ARHGAP6: variants seen among roughly 807,000 people sequenced by gnomAD.
ARHGAP6 encodes the protein rho GTPase-activating protein 6.
In ARHGAP6, 16 loss-of-function variants were observed where a neutral mutation model predicts 55.7. That is an observed-to-expected ratio of 0.29 (90% confidence interval 0.19 to 0.44). The LOEUF (loss-of-function observed/expected upper bound fraction) is 0.44. Ranked by LOEUF, ARHGAP6 falls within the 20% of genes least tolerant of loss-of-function variation. The pLI is 1.00. For missense variants in ARHGAP6, 698 were observed against 808.9 expected, an observed-to-expected ratio of 0.86 and a Z score of 1.66; for synonymous variants, 382 against 360.9, an observed-to-expected ratio of 1.06 and a Z score of -0.66.
At chrX:11,586,334 T>A (rs971511075) in intron 1 of ARHGAP6, among the ~76,000 whole-genome samples, 1 of 112,128 alleles carries the variant, frequency 8.9e-6, no homozygotes, top group African/African-American at 3.2e-5. Context: ...TCATTCATCT[T>A]GAGTTGATTT....
chrX:11,257,514 C>T lies in ARHGAP6; in HGVS notation c.589-2807G>A, dbSNP rs760041318. Among the ~76,000 whole-genome samples the T allele has an allele frequency of 1.2e-4, 13 of 112,159 alleles. No individual in the cohort carries two copies. The East Asian group carries it at 1.4e-3, about 12-fold the overall frequency. On this transcript the variant is annotated intron_variant, in intron 1 of 12. Transcript: ENST00000337414. Reference sequence around the variant, plus strand: ...AAAACAGCAGGCTGGTTTTGGCTGGCGGGCTAGAGTTTCCCAACCTGTGAA... The same window carrying T: ...AAAACAGCAGGCTGGTTTTGGCTGGTGGGCTAGAGTTTCCCAACCTGTGAA...
intron 1 of ARHGAP6, among the ~76,000 whole-genome samples, chrX:11,359,255 G>A (rs1054784295): frequency 8.9e-6 from 1 of 111,886 alleles, no homozygotes; most frequent in African/African-American, 3.2e-5. Flanking sequence ...CATCTTATAT[G>A]AGACAAACGG....
At chrX:11,511,307 T>G (rs1193219580) in intron 1 of ARHGAP6, among the ~76,000 whole-genome samples, 1 of 112,178 alleles carries the variant, frequency 8.9e-6, no homozygotes, top group Non-Finnish European at 1.9e-5. Context: ...GAAGGAGACA[T>G]TTTTGCAATG....
At chrX:11,166,989 T>C (rs1363667396) in intron 9 of ARHGAP6, among the ~76,000 whole-genome samples, 2 of 112,026 alleles carry the variant, frequency 1.8e-5, no homozygotes, top group Non-Finnish European at 3.8e-5. Flanking sequence ...AATGATTACA[T>C]TAATGGTTAA....
chrX:11,276,219 C>T (rs2238906), intron 1 of ARHGAP6, among the ~76,000 whole-genome samples: 14 of 111,441 alleles, frequency 1.3e-4, no homozygotes, highest in East Asian at 5.7e-4. Context: ...CATCTCCCCC[C>T]GACCCTGCCC....
rs778943428 is a variant in ARHGAP6 at position 11,361,769 on chromosome X, A to AAT, written c.589-107064_589-107063dup. Among the ~76,000 whole-genome samples the AAT allele has an allele frequency of 4.1e-3, 454 of 111,999 alleles. 2 individuals are homozygous for AAT. Among genetic ancestry groups the AAT allele is most frequent in the African/African-American group, 0.014 (435 of 30,743 alleles). On this transcript the variant is annotated intron_variant, in intron 1 of 12. Coordinates refer to ENST00000337414, the MANE Select transcript of ARHGAP6 (RefSeq NM_013427.3). ...CAACCTACTCATCTCACAAAGGGCT[A>AAT]ATATCCAGAATCTACAATGAACACA...
At chrX:11,643,633 A>C (rs1051257742) in intron 1 of ARHGAP6, among the ~76,000 whole-genome samples, 1 of 111,772 alleles carries the variant, frequency 8.9e-6, no homozygotes, top group African/African-American at 3.3e-5. Flanking sequence ...TATAAAGGAG[A>C]TTGATTACAG....
At chrX:11,471,768 A>G (rs1294224048) in intron 1 of ARHGAP6, among the ~76,000 whole-genome samples, 3 of 111,690 alleles carry the variant, frequency 2.7e-5, no homozygotes, top group Non-Finnish European at 5.7e-5. Context: ...GGGGAAGGAC[A>G]ATGTAATAGT....
At chrX:11,308,984 C>T (rs1703137690) in intron 1 of ARHGAP6, among the ~76,000 whole-genome samples, 2 of 111,819 alleles carry the variant, frequency 1.8e-5, no homozygotes, top group Non-Finnish European at 1.9e-5. Context: ...CTTAAAGCAA[C>T]AGGCAGAGGC....
intron 1 of ARHGAP6, among the ~76,000 whole-genome samples, chrX:11,580,283 G>A (rs2051650719): frequency 1.8e-5 from 2 of 111,987 alleles, no homozygotes; most frequent in Admixed American, 9.5e-5. Flanking sequence ...CACTGTGAGG[G>A]GAATTAAGTC....
At chrX:11,532,199 T>C (rs1480809277) in intron 1 of ARHGAP6, among the ~76,000 whole-genome samples, 5 of 112,595 alleles carry the variant, frequency 4.4e-5, no homozygotes, top group Non-Finnish European at 9.4e-5. Flanking sequence ...CTTATGTTCA[T>C]CATAATCACT....
In ARHGAP6 at chrX:11,558,564, G is replaced by A. The variant is rs750574819; in HGVS notation, c.588+105677C>T. Among the ~76,000 whole-genome samples, 5 of 110,341 alleles carry A rather than the reference G, an allele frequency of 4.5e-5. No individual in the cohort carries two copies. In the South Asian group the frequency reaches 1.2e-3, roughly 26 times the overall value. On this transcript the variant is annotated intron_variant, in intron 1 of 12. Coordinates refer to ENST00000337414, the MANE Select transcript of ARHGAP6 (RefSeq NM_013427.3). ...TTAAAAAGGAGAAATTTTGCCAGGT[G>A]TGGTGGCTCATGCCTGTAATCCCAG...
At chrX:11,454,269 T>G (rs1185815018) in intron 1 of ARHGAP6, among the ~76,000 whole-genome samples, 1 of 110,271 alleles carries the variant, frequency 9.1e-6, no homozygotes, top group Admixed American at 9.7e-5. Context: ...CAAAAGCTGT[T>G]TCTTAAAGGA....
At chrX:11,432,329 T>A (rs1220890839) in intron 1 of ARHGAP6, among the ~76,000 whole-genome samples, 1 of 112,655 alleles carries the variant, frequency 8.9e-6, no homozygotes. Context: ...TATGTGTTTA[T>A]TACTATTTAT....
At chrX:11,414,026 AAATATACCC>A (rs1357761679) in intron 1 of ARHGAP6, among the ~76,000 whole-genome samples, 1 of 111,913 alleles carries the variant, frequency 8.9e-6, no homozygotes, top group Non-Finnish European at 1.9e-5. Flanking sequence ...CCCTTATCTG[AAATATACCC>A]ACCACTCCCC....
At chrX:11,281,848 G>A (rs2047859438) in intron 1 of ARHGAP6, among the ~76,000 whole-genome samples, 1 of 111,657 alleles carries the variant, frequency 9.0e-6, no homozygotes, top group Non-Finnish European at 1.9e-5. Flanking sequence ...AGAAAATTAA[G>A]ATGAACAAAA....
intron 1 of ARHGAP6, among the ~76,000 whole-genome samples, chrX:11,659,092 A>G (rs1446778891): frequency 9.0e-6 from 1 of 111,696 alleles, no homozygotes; most frequent in East Asian, 2.8e-4. Context: ...GATGAGTAAC[A>G]GTTCTGCTTT....
intron 1 of ARHGAP6, among the ~76,000 whole-genome samples, chrX:11,583,858 T>C (rs1365856339): frequency 8.9e-6 from 1 of 111,990 alleles, no homozygotes; most frequent in Non-Finnish European, 1.9e-5. Flanking sequence ...AAAATATAAC[T>C]ACCAATAAGT....
intron 1 of ARHGAP6, among the ~76,000 whole-genome samples, chrX:11,342,251 C>T (rs1207327900): frequency 2.7e-5 from 3 of 111,564 alleles, no homozygotes; most frequent in Non-Finnish European, 3.8e-5. Flanking sequence ...TTTATGGCAC[C>T]GGATTATTTA....
Sources: allele counts gnomAD v4.1 joint callset (sites outside exome capture counted in the v4.1 genomes callset), GRCh38; gene constraint gnomAD v4.1.1; transcripts MANE v1.5; gene names NCBI Gene and HGNC (gene_info 2026-07-23, HGNC 2026-07-21).